Variants in IL34 observed in about 807,000 individuals in gnomAD.
IL34 encodes interleukin 34, also known as interleukin-34.
In IL34, 17 loss-of-function variants were observed where a neutral mutation model predicts 25.3. That is an observed-to-expected ratio of 0.67 (90% CI 0.46 to 1.01). The LOEUF is 1.01. Ranked by LOEUF, IL34 falls within the 50% of genes least tolerant of loss-of-function variation. IL34 has a pLI of 0.00. For synonymous variants in IL34, 174 were observed against 140.9 expected (o/e 1.23, Z -1.66); for missense variants, 368 against 312.9 (o/e 1.18, Z -1.33).
At chr16:70,643,963 A>G (rs143703235), upstream of IL34, among the ~76,000 whole-genome samples, 694 of 152,254 alleles carry the variant, frequency 4.6e-3, 7 homozygotes, top group African/African-American at 0.015. Flanking sequence ...CTGGAATGAC[A>G]GAAGAGTGAT....
intron 1 of IL34, among the ~76,000 whole-genome samples, chr16:70,600,637 C>T (rs555331708): frequency 6.6e-6 from 1 of 152,332 alleles, no homozygotes; most frequent in East Asian, 1.9e-4. Flanking sequence ...TTCCCCACAT[C>T]TTTCTCAATG....
intron 1 of IL34, among the ~76,000 whole-genome samples, chr16:70,617,234 A>T (rs769763585): frequency 3.3e-5 from 5 of 152,240 alleles, no homozygotes; most frequent in Non-Finnish European, 7.3e-5. Flanking sequence ...AAAAGGTCTA[A>T]GAATTGGGAA....
intron 1 of IL34, among the ~76,000 whole-genome samples, chr16:70,609,613 G>T (rs2051061605): frequency 6.6e-6 from 1 of 152,222 alleles, no homozygotes; most frequent in East Asian, 1.9e-4. Context: ...GATATTAGGG[G>T]ATCTCACAGG....
upstream of IL34, among the ~76,000 whole-genome samples, chr16:70,643,953 C>G (rs140051352): frequency 3.4e-4 from 52 of 152,142 alleles, no homozygotes; most frequent in Non-Finnish European, 6.0e-4. Context: ...ATGAGTGAAG[C>G]TGGAATGACA....
intron 1 of IL34, among the ~76,000 whole-genome samples, chr16:70,647,226 C>T (rs1299491707): frequency 1.1e-4 from 16 of 152,122 alleles, no homozygotes; most frequent in Non-Finnish European, 1.5e-5. Flanking sequence ...GGTCTTAGGT[C>T]GGGGCAGGCA....
chr16:70,642,289 G>A (rs1434495245), upstream of IL34, among the ~76,000 whole-genome samples: 2 of 145,078 alleles, frequency 1.4e-5, no homozygotes, highest in Non-Finnish European at 3.0e-5. Context: ...AGCGTACTCT[G>A]ATGTCTTTTT....
chr16:70,639,638 C>G (rs1396669548), intron 1 of IL34, among the ~76,000 whole-genome samples: 2 of 152,180 alleles, frequency 1.3e-5, no homozygotes, highest in African/African-American at 4.8e-5. Flanking sequence ...TGACCCTGTT[C>G]CCACTGCAAA....
intron 1 of IL34, among the ~76,000 whole-genome samples, chr16:70,594,749 G>A (rs1360521745): frequency 6.6e-6 from 1 of 152,092 alleles, no homozygotes; most frequent in African/African-American, 2.4e-5. Context: ...GGGCAGGGCT[G>A]CTACTGCTCA....
chr16:70,634,664 A>T (rs988375352), intron 1 of IL34, among the ~76,000 whole-genome samples: 9 of 150,840 alleles, frequency 6.0e-5, no homozygotes, highest in Admixed American at 1.3e-4. Flanking sequence ...TGGGCGACAG[A>T]GCGAGATTCC....
At chr16:70,622,198 T>C (rs2051296675) in intron 1 of IL34, among the ~76,000 whole-genome samples, 1 of 152,016 alleles carries the variant, frequency 6.6e-6, no homozygotes, top group Admixed American at 6.5e-5. Context: ...AAAATGACTG[T>C]GGTGGCCTTC....
chr16:70,613,972 G>C (rs563582548), intron 1 of IL34, among the ~76,000 whole-genome samples: 2 of 152,136 alleles, frequency 1.3e-5, no homozygotes, highest in African/African-American at 4.8e-5. Flanking sequence ...AGGATTGCTT[G>C]AGGCCAGGAG....
intron 1 of IL34, among the ~76,000 whole-genome samples, chr16:70,595,255 C>T (rs1372684065): frequency 1.3e-5 from 2 of 152,096 alleles, no homozygotes; most frequent in African/African-American, 4.8e-5. Flanking sequence ...GCCACCGTGC[C>T]TGGCCTGCAT....
intron 1 of IL34, among the ~76,000 whole-genome samples, chr16:70,615,028 T>C (rs1004262684): frequency 6.6e-6 from 1 of 152,240 alleles, no homozygotes; most frequent in African/African-American, 2.4e-5. Context: ...GGTAACTGTT[T>C]ATATTTTATT....
chr16:70,656,727 C>T (rs778783327), intron 3 of IL34, 48 bp downstream of exon 3: 14 of 1,008,086 alleles, frequency 1.4e-5, no homozygotes, highest in South Asian at 6.3e-5. Flanking sequence ...CTGCGACATC[C>T]GGTGGGCCCC....
At chr16:70,618,421 G>C (rs2051208791) in intron 1 of IL34, among the ~76,000 whole-genome samples, 1 of 152,172 alleles carries the variant, frequency 6.6e-6, no homozygotes, top group Admixed American at 6.5e-5. Flanking sequence ...AGTGAGTATA[G>C]CTGAAGGAGC....
intron 1 of IL34, among the ~76,000 whole-genome samples, chr16:70,638,244 A>C (rs973416247): frequency 6.6e-6 from 1 of 152,108 alleles, no homozygotes; most frequent in Admixed American, 6.6e-5. Context: ...TGGGAGGCCA[A>C]GGTAGGAGGA....
At chr16:70,600,014 TTGTCCTGGC>T (rs1403520726) in intron 1 of IL34, among the ~76,000 whole-genome samples, 1 of 152,098 alleles carries the variant, frequency 6.6e-6, no homozygotes, top group African/African-American at 2.4e-5. Flanking sequence ...TAGTCTGGCC[TTGTCCTGGC>T]TGTCCAATGT....
At chr16:70,656,721 G>A (rs753684144) in intron 3 of IL34, 42 bp downstream of exon 3, 11 of 1,026,636 alleles carry the variant, frequency 1.1e-5, no homozygotes, top group Non-Finnish European at 1.4e-5. Context: ...TGCCTCCTGC[G>A]ACATCCGGTG....
intron 4 of IL34, among the ~76,000 whole-genome samples, chr16:70,658,018 GATGACCC>G (rs1372644156): frequency 6.6e-6 from 1 of 152,148 alleles, no homozygotes; most frequent in African/African-American, 2.4e-5. Flanking sequence ...AAGGTGGCGA[GATGACCC>G]ATGCAGGCCG....
Sources: allele counts gnomAD v4.1 joint callset (sites outside exome capture counted in the v4.1 genomes callset), GRCh38; gene constraint gnomAD v4.1.1; transcripts MANE v1.5; gene names NCBI Gene and HGNC (gene_info 2026-07-23, HGNC 2026-07-21).